ADGRV1: variants seen among roughly 807,000 people sequenced by gnomAD.
The protein encoded by ADGRV1 is G-protein coupled receptor 98.
In ADGRV1, 359 loss-of-function variants were observed where a neutral mutation model predicts 596.2. The observed-to-expected ratio is 0.60, with a 90% CI of 0.55 to 0.66. The LOEUF (loss-of-function observed/expected upper bound fraction) is 0.66. ADGRV1 is among the 30% of genes least tolerant of loss of function. The pLI is 0.00. For synonymous variants in ADGRV1, 2,681 were observed against 2,679.2 expected (o/e 1.00, Z -0.02); for missense variants, 7,274 against 7,575.6 (o/e 0.96, Z 1.48).
intron 53 of ADGRV1, among the ~76,000 whole-genome samples, chr5:90,751,792 A>G (rs1755286917): frequency 1.3e-5 from 2 of 152,162 alleles, no homozygotes; most frequent in South Asian, 4.1e-4. Flanking sequence ...TTCAAACGTG[A>G]TTGGAGCTTC....
chr5:90,902,677 A>G (rs1328731923), intron 83 of ADGRV1, among the ~76,000 whole-genome samples: 1 of 152,168 alleles, frequency 6.6e-6, no homozygotes, highest in African/African-American at 2.4e-5. Context: ...TTTGATTCCA[A>G]CGTAGTGGCT....
At chr5:90,711,798 A>G (rs1749387909) in intron 41 of ADGRV1, among the ~76,000 whole-genome samples, 1 of 151,970 alleles carries the variant, frequency 6.6e-6, no homozygotes, top group Non-Finnish European at 1.5e-5. Flanking sequence ...TTTTTTGGAG[A>G]CAAAGTCTCG....
chr5:90,591,426 T>G (rs191853060), intron 1 of ADGRV1, among the ~76,000 whole-genome samples: 91 of 152,192 alleles, frequency 6.0e-4, no homozygotes, highest in Non-Finnish European at 1.6e-4. Flanking sequence ...TTCATATTTT[T>G]CTGATATATC....
chr5:90,796,086 A>C (rs1203933723), intron 70 of ADGRV1, among the ~76,000 whole-genome samples: 1 of 152,190 alleles, frequency 6.6e-6, no homozygotes, highest in Non-Finnish European at 1.5e-5. Context: ...ATGGATCACA[A>C]CTTCTTGCTA....
chr5:90,703,698 T>C lies in ADGRV1; in HGVS notation c.8189T>C (p.Phe2730Ser). 6.2e-7 allele frequency: 1 copy of C among 1,605,422 alleles called. No homozygotes were observed. The highest frequency in any genetic ancestry group is 1.3e-5 in the African/African-American group (1 of 74,822). ...TTACAATTCCATGTGATAAGAACTTTCCCTGGTCGAGGAAATGTTACTGTT... is the reference window on the plus strand; with the variant it reads ...TTACAATTCCATGTGATAAGAACTTCCCCTGGTCGAGGAAATGTTACTGTT... Reference protein sequence around the residue: ...EILQFHVIRTFPGRGNVTVNW... With the variant: ...EILQFHVIRTSPGRGNVTVNW... Residue 2730 changes from phenylalanine to serine, a missense_variant, in exon 35 of 90, where the codon TTC becomes TCC. Around this residue, in one of 5 missense-constraint regions of ADGRV1, gnomAD observed 3,643 missense variants for 3,809.2 expected, o/e 0.96. Transcript: ENST00000405460.
intron 34 of ADGRV1, among the ~76,000 whole-genome samples, chr5:90,698,191 A>G (rs1747448620): frequency 6.6e-6 from 1 of 152,218 alleles, no homozygotes; most frequent in Non-Finnish European, 1.5e-5. Context: ...AAGACAGATC[A>G]TCAACTATCA....
At chr5:91,070,345 C>T (rs1788275969) in intron 85 of ADGRV1, among the ~76,000 whole-genome samples, 1 of 152,136 alleles carries the variant, frequency 6.6e-6, no homozygotes, top group Non-Finnish European at 1.5e-5. Flanking sequence ...ATTTTGGATT[C>T]CTTCTAAACA....
At chr5:91,078,220 T>C (rs1789023400) in intron 86 of ADGRV1, among the ~76,000 whole-genome samples, 1 of 152,054 alleles carries the variant, frequency 6.6e-6, no homozygotes. Flanking sequence ...ATAAAAATTA[T>C]TGAAAACTTT....
At chr5:90,634,615 G>T (rs992673626) in intron 9 of ADGRV1, among the ~76,000 whole-genome samples, 2 of 152,092 alleles carry the variant, frequency 1.3e-5, no homozygotes, top group African/African-American at 4.8e-5. Flanking sequence ...TGGAAGACAG[G>T]AAGGAGATGT....
chr5:90,788,513 A>T (rs953174740), intron 68 of ADGRV1, among the ~76,000 whole-genome samples: 3 of 152,100 alleles, frequency 2.0e-5, no homozygotes, highest in Non-Finnish European at 4.4e-5. Flanking sequence ...TATTTTTTTT[A>T]AAAACATTTT....
chr5:90,952,276 A>G (rs1480770411), intron 83 of ADGRV1, among the ~76,000 whole-genome samples: 3 of 152,164 alleles, frequency 2.0e-5, no homozygotes, highest in Non-Finnish European at 4.4e-5. Flanking sequence ...TTCTCCAGAG[A>G]AAATTCACCT....
chr5:91,091,658 T>C (rs1290556246), intron 86 of ADGRV1: 1 of 152,174 alleles, frequency 6.6e-6, no homozygotes, highest in African/African-American at 2.4e-5. Flanking sequence ...CTGAAGAAGC[T>C]GGTGGTGTAT....
chr5:91,004,107 A>G lies in ADGRV1; in HGVS notation c.18152+18585A>G, dbSNP rs528662228. On this transcript the variant is annotated intron_variant, in intron 85 of 89. Transcript: ENST00000405460. ...GAAGCTTAAGTCCTATTTTGCTTCA[A>G]TCTTCTCTGTCAAATAGAATATTTG... 7.2e-5 allele frequency among the ~76,000 whole-genome samples: 11 copies of G among 152,300 alleles called. 1 individual carries two copies. The South Asian group carries it at 8.3e-4, about 11-fold the overall frequency.
intron 8 of ADGRV1, 49 bp from the exon 9 acceptor site, chr5:90,629,161 T>C: frequency 9.5e-7 from 1 of 1,047,174 alleles, no homozygotes; most frequent in South Asian, 2.5e-5. Flanking sequence ...AGTTTGATCA[T>C]CTCAGATGCG....
intron 85 of ADGRV1, among the ~76,000 whole-genome samples, chr5:91,013,858 A>G (rs1051180508): frequency 6.6e-6 from 1 of 151,876 alleles, no homozygotes; most frequent in Admixed American, 6.6e-5. Flanking sequence ...TTAAGTTTTT[A>G]ATTCATCTTG....
intron 83 of ADGRV1, among the ~76,000 whole-genome samples, chr5:90,895,028 A>T (rs576405975): frequency 1.7e-3 from 264 of 152,160 alleles, no homozygotes; most frequent in Middle Eastern, 3.4e-3. Flanking sequence ...TTCTGAGCTC[A>T]AGCAGTCCTC....
At chr5:90,829,218 T>C in intron 77 of ADGRV1, 32 bp downstream of exon 77, 1 of 1,397,058 alleles carries the variant, frequency 7.2e-7, no homozygotes, top group Non-Finnish European at 9.4e-7. Flanking sequence ...TCATACACGT[T>C]ATGGTTTTCT....
chr5:90,742,967 G>A (rs527869221), intron 50 of ADGRV1, among the ~76,000 whole-genome samples: 7 of 152,284 alleles, frequency 4.6e-5, no homozygotes, highest in African/African-American at 1.7e-4. Context: ...CAGAGAAAAT[G>A]AGTTTGGTTG....
chr5:90,755,269 C>CT (rs1554104918), intron 55 of ADGRV1, 84 bp downstream of exon 55: 26 of 858,700 alleles, frequency 3.0e-5, no homozygotes, highest in Non-Finnish European at 4.0e-5. Context: ...AAGTAAAAAT[C>CT]TTTTTTTTAA....
Sources: allele counts gnomAD v4.1 joint callset (sites outside exome capture counted in the v4.1 genomes callset), GRCh38; gene constraint gnomAD v4.1.1; regional missense constraint gnomAD v4.1.1; transcripts MANE v1.5; gene names NCBI Gene and HGNC (gene_info 2026-07-23, HGNC 2026-07-21).